OR1F1: variants seen among roughly 807,000 people sequenced by gnomAD.
The protein encoded by OR1F1 is olfactory receptor 1F1.
For missense variants in OR1F1, 493 were observed against 376.3 expected, an observed-to-expected ratio of 1.31 and a Z score of -2.57; for synonymous variants, 184 against 156.7, an observed-to-expected ratio of 1.17 and a Z score of -1.30.
chr16:3,206,096 T>G (rs1339102339), downstream of OR1F1, among the ~76,000 whole-genome samples: 1 of 152,162 alleles, frequency 6.6e-6, no homozygotes, highest in Non-Finnish European at 1.5e-5. Context: ...GGGAGAGGAA[T>G]GCACTCCTCG....
chr16:3,199,770 C>G (rs2141588131), upstream of OR1F1, among the ~76,000 whole-genome samples: 3 of 152,224 alleles, frequency 2.0e-5, no homozygotes, highest in Middle Eastern at 0.01. Flanking sequence ...TCTCTCAGCA[C>G]TTTGAGAGGC....
At chr16:3,200,520 T>C (rs1763009837), upstream of OR1F1, among the ~76,000 whole-genome samples, 1 of 152,150 alleles carries the variant, frequency 6.6e-6, no homozygotes, top group South Asian at 2.1e-4. Context: ...GGCAGGAGAA[T>C]GGCGTGGACC....
chr16:3,189,544 A>G, the OR1F1 span, among the ~76,000 whole-genome samples: 1 of 152,106 alleles, frequency 6.6e-6, no homozygotes, highest in Non-Finnish European at 1.5e-5. Context: ...CTGAAATAAG[A>G]TTCTACTCAC....
At chr16:3,200,468 A>T (rs1958124038), upstream of OR1F1, among the ~76,000 whole-genome samples, 1 of 151,974 alleles carries the variant, frequency 6.6e-6, no homozygotes, top group African/African-American at 2.4e-5. Flanking sequence ...TTAGCCGGAC[A>T]TGGCAGTGCA....
chr16:3,188,561 G>C, the OR1F1 span: 1 of 152,202 alleles, frequency 6.6e-6, no homozygotes, highest in Non-Finnish European at 1.5e-5. Flanking sequence ...AGGGGAGTGA[G>C]TGAGAGGAGG....
At chr16:3,205,627 T>A (rs566694313), downstream of OR1F1, among the ~76,000 whole-genome samples, 2 of 152,160 alleles carry the variant, frequency 1.3e-5, no homozygotes, top group African/African-American at 4.8e-5. Flanking sequence ...AATATGGACA[T>A]GTATCGGTTC....
chr16:3,196,583 C>T, the OR1F1 span, among the ~76,000 whole-genome samples: 3 of 151,762 alleles, frequency 2.0e-5, no homozygotes, highest in African/African-American at 4.8e-5. Context: ...GATGGGATCT[C>T]ACTATTGTTG....
chr16:3,205,074 G>A, exon 1 of OR1F1: 1 of 1,611,680 alleles, frequency 6.2e-7, no homozygotes, highest in Non-Finnish European at 8.5e-7. Flanking sequence ...TGGCTACTGT[G>A]TTGTATACAG....
upstream of OR1F1, among the ~76,000 whole-genome samples, chr16:3,203,073 C>T (rs932120890): frequency 1.3e-5 from 2 of 152,170 alleles, no homozygotes; most frequent in Admixed American, 1.3e-4. Flanking sequence ...AGGATTGTTG[C>T]CAATGATTAC....
At chr16:3,196,334 G>A in the OR1F1 span, among the ~76,000 whole-genome samples, 1 of 152,168 alleles carries the variant, frequency 6.6e-6, no homozygotes, top group African/African-American at 2.4e-5. Flanking sequence ...GTAACGTTTA[G>A]CAAGACTTAG....
chr16:3,202,660 A>AAATAATAAT (rs3064190), upstream of OR1F1, among the ~76,000 whole-genome samples: 31 of 141,834 alleles, frequency 2.2e-4, no homozygotes, highest in Middle Eastern at 3.4e-3. Context: ...TTCCATCTCA[A>AAATAATAAT]AATAATAATA....
chr16:3,197,238 G>C, the OR1F1 span, among the ~76,000 whole-genome samples: 2 of 149,814 alleles, frequency 1.3e-5, no homozygotes, highest in Non-Finnish European at 3.0e-5. Flanking sequence ...AGGCTGGTCT[G>C]AAACTCTTGA....
At chr16:3,202,555 TG>T (rs1325502105), upstream of OR1F1, among the ~76,000 whole-genome samples, 1 of 152,050 alleles carries the variant, frequency 6.6e-6, no homozygotes, top group Non-Finnish European at 1.5e-5. Flanking sequence ...TCTTGTTGTT[TG>T]TTTGTTTTTA....
the OR1F1 span, among the ~76,000 whole-genome samples, chr16:3,197,971 A>G: frequency 0.017 from 141 of 8,204 alleles, no homozygotes; most frequent in Non-Finnish European, 0.021. Context: ...GAGAGGGAGA[A>G]GGAGAGGGAG....
At chr16:3,189,834 C>T in the OR1F1 span, 2 of 152,192 alleles carry the variant, frequency 1.3e-5, no homozygotes, top group Non-Finnish European at 2.9e-5. Context: ...ATGTTGACGC[C>T]GCCTACTATC....
chr16:3,192,112 A>G, the OR1F1 span, among the ~76,000 whole-genome samples: 1 of 152,176 alleles, frequency 6.6e-6, no homozygotes. Flanking sequence ...GCTGGAGTGC[A>G]GTGGCGCTAT....
the OR1F1 span, among the ~76,000 whole-genome samples, chr16:3,191,542 C>T: frequency 2.6e-5 from 4 of 152,168 alleles, no homozygotes; most frequent in Admixed American, 6.5e-5. Context: ...CTCTTAATCT[C>T]AGGGTCGTGG....
the OR1F1 span, among the ~76,000 whole-genome samples, chr16:3,198,422 T>C: frequency 1.2e-4 from 18 of 152,228 alleles, no homozygotes; most frequent in East Asian, 3.3e-3. Flanking sequence ...GGATGACACA[T>C]GCAGAGAGAG....
At chr16:3,191,728 C>T in the OR1F1 span, among the ~76,000 whole-genome samples, 1 of 151,958 alleles carries the variant, frequency 6.6e-6, no homozygotes, top group Non-Finnish European at 1.5e-5. Context: ...AGTGAAATGA[C>T]CAAAGGCAGC....
Sources: allele counts gnomAD v4.1 joint callset (sites outside exome capture counted in the v4.1 genomes callset), GRCh38; gene constraint gnomAD v4.1.1; transcripts MANE v1.5; gene names NCBI Gene and HGNC (gene_info 2026-07-23, HGNC 2026-07-21).